Variants in MAPKBP1 observed in about 807,000 individuals in gnomAD.
MAPKBP1 encodes the protein mitogen-activated protein kinase-binding protein 1.
A neutral mutation model predicts 170.5 loss-of-function variants in MAPKBP1; 71 were observed. The observed-to-expected ratio is 0.42, with a 90% CI of 0.34 to 0.51. The LOEUF (loss-of-function observed/expected upper bound fraction) is 0.51, where lower values mean the gene tolerates loss of function less well. MAPKBP1 is among the 20% of genes least tolerant of loss of function. MAPKBP1 has a pLI of 0.06. For synonymous variants in MAPKBP1, 719 were observed against 757.9 expected (o/e 0.95, Z 0.84); for missense variants, 1,598 against 1,933.0 (o/e 0.83, Z 3.25).
chr15:41,779,357 C>A (rs946874951), intron 2 of MAPKBP1, among the ~76,000 whole-genome samples: 1 of 151,954 alleles, frequency 6.6e-6, no homozygotes, highest in Non-Finnish European at 1.5e-5. Context: ...ATTACAGGCG[C>A]GTGCCACCAC....
At position 41,817,301 on chromosome 15, in the gene MAPKBP1, TG is replaced by T; in HGVS notation, c.1712-82del. On this transcript the variant is annotated intron_variant, in intron 14 of 30. Transcript: ENST00000457542. This position sits in a 1 kb window ranked among gnomAD's most constrained non-coding sequence, Gnocchi z 4.2. Reference sequence around the variant, plus strand: ...TTCCCTGGCATGTAGAGTAGCTTGATGGGGGATCTCATGGAGGGAAGGTGGG... The same window carrying T: ...TTCCCTGGCATGTAGAGTAGCTTGATGGGGATCTCATGGAGGGAAGGTGGG... 1 of 1,394,970 alleles carries T rather than the reference TG, an allele frequency of 7.2e-7. No homozygotes were observed. Among genetic ancestry groups the T allele is most frequent in the Non-Finnish European group, 1.0e-6 (1 of 981,834 alleles). The allele number at this position is 1,394,970 out of a possible 1,614,324, so 86.4% of individuals were successfully genotyped here.
In MAPKBP1 at chr15:41,827,837, A is replaced by G. The variant is rs2065144634; in HGVS notation, c.*2401A>G. 2.5e-6 allele frequency: 1 copy of G among 404,330 alleles called. No homozygotes were observed. Among genetic ancestry groups the G allele is most frequent in the African/African-American group, 2.1e-5 (1 of 47,740 alleles). 25.0% of individuals were successfully genotyped at this position (404,330 alleles called of 1,614,324 possible). On this transcript the variant is annotated 3_prime_UTR_variant, in exon 31 of 31. Coordinates refer to ENST00000457542, the MANE Select transcript of MAPKBP1 (RefSeq NM_014994.3). ...TGTACTGATGTATGAACTTGTCAAT[A>G]AACACAATTGTTTGTTAACCCTGGG...
intron 12 of MAPKBP1, among the ~76,000 whole-genome samples, chr15:41,816,076 TC>T (rs2064885496): frequency 6.6e-6 from 1 of 152,156 alleles, no homozygotes; most frequent in Non-Finnish European, 1.5e-5. Context: ...ATGCATAAAC[TC>T]AATATAGGCG....
At position 41,825,299 on chromosome 15, in the gene MAPKBP1, G is replaced by A; in HGVS notation, c.4390G>A (p.Ala1464Thr). The A allele has an allele frequency of 6.2e-7, 1 of 1,613,312 alleles. No individual in the cohort carries two copies. The highest frequency in any genetic ancestry group is 1.3e-5 in the African/African-American group (1 of 75,072). Residue 1464 changes from alanine (A) to threonine (T), a missense_variant, in exon 31 of 31, where the codon GCT (alanine) becomes ACT (threonine). Coordinates refer to ENST00000457542, the MANE Select transcript of MAPKBP1 (RefSeq NM_014994.3). ...CTCTTCAGTGCGACAGGAGCTGGAA[G>A]CTGTGGCTGGGGCAGTGCTGTCCAG... ...TFSSVRQELEAVAGAVLSSPG... is the reference protein window; with the variant it reads ...TFSSVRQELETVAGAVLSSPG...
intron 2 of MAPKBP1, among the ~76,000 whole-genome samples, chr15:41,795,860 C>T (rs1235824194): frequency 3.3e-5 from 5 of 152,180 alleles, no homozygotes; most frequent in Admixed American, 6.5e-5. Context: ...CCGCCCGTCT[C>T]GGCCTCCCAA....
chr15:41,823,548 C>T lies in MAPKBP1; in HGVS notation c.3700C>T (p.Arg1234Cys), dbSNP rs756000967. 6.8e-6 allele frequency: 11 copies of T among 1,614,030 alleles called. No individual in the cohort carries two copies. The East Asian group carries it at 1.1e-4, about 16-fold the overall frequency. ...GLGSLPPADG[R>C]PSRPHSYQNP... ...GGGCTCCCTGCCCCCAGCTGATGGC[C>T]GTCCGTCTCGGCCTCACTCCTATCA... The change falls in exon 29 of 31, where the codon CGT becomes TGT. Residue 1234 changes from arginine (R) to cysteine (C), a missense_variant. Transcript: ENST00000457542.
At position 41,819,231 on chromosome 15, in the gene MAPKBP1, T is replaced by G; in HGVS notation, c.2292-15T>G. 1 of 1,612,572 alleles carries G rather than the reference T, an allele frequency of 6.2e-7. No individual in the cohort carries two copies. Among genetic ancestry groups the G allele is most frequent in the Non-Finnish European group, 8.5e-7 (1 of 1,178,788 alleles). ...GAGTCTCCTCTCCCCATGCCCTTCCTTGTCTCGGACTCAGGCACCAGGCCC... is the reference window on the plus strand; with the variant it reads ...GAGTCTCCTCTCCCCATGCCCTTCCGTGTCTCGGACTCAGGCACCAGGCCC... On this transcript the variant is annotated splice_polypyrimidine_tract_variant and intron_variant, in intron 20 of 30. Coordinates refer to ENST00000457542, the MANE Select transcript of MAPKBP1 (RefSeq NM_014994.3).
chr15:41,824,412 T>C, intron 29 of MAPKBP1, 72 bp from the exon 30 acceptor site: 1 of 1,391,872 alleles, frequency 7.2e-7, no homozygotes, highest in Non-Finnish European at 9.9e-7. Flanking sequence ...TCTCCTGTTC[T>C]GAGTGTCTTG....
chr15:41,824,209 C>A (rs923181039), intron 29 of MAPKBP1, 148 bp downstream of exon 29: 1 of 1,130,148 alleles, frequency 8.8e-7, no homozygotes, highest in African/African-American at 1.6e-5. Context: ...GTAAGTCACA[C>A]CCCTGATGGT....
At chr15:41,803,328 C>G (rs1308902567) in intron 3 of MAPKBP1, among the ~76,000 whole-genome samples, 1 of 148,226 alleles carries the variant, frequency 6.7e-6, no homozygotes, top group East Asian at 2.1e-4. Context: ...CTGGGAGAAT[C>G]GCTTGAACCT....
intron 2 of MAPKBP1, among the ~76,000 whole-genome samples, chr15:41,788,573 C>G (rs752500769): frequency 2.0e-5 from 3 of 151,960 alleles, no homozygotes; most frequent in Non-Finnish European, 4.4e-5. Context: ...AGCTGGTCCT[C>G]GAAGGAAAGG....
Position 41,824,490 on chromosome 15 carries a change from C to A in MAPKBP1, c.4220C>A (p.Ala1407Glu), listed in dbSNP as rs768905942. The change falls in exon 30 of 31, where the codon GCG (alanine) becomes GAG (glutamate). Residue 1407 changes from alanine (A) to glutamate (E), a missense_variant. By Grantham distance (107) the Ala-to-Glu change is moderately radical. Around this residue, in one of 6 missense-constraint regions of MAPKBP1, gnomAD observed 942 missense variants for 953.2 expected, o/e 0.99. Coordinates refer to ENST00000457542, the MANE Select transcript of MAPKBP1 (RefSeq NM_014994.3). ...GAALSQDSEPAVSLEQCEQLV... is the reference protein window; with the variant it reads ...GAALSQDSEPEVSLEQCEQLV... ...CTGTATCCGTCTCTTTCAGAGCCAG[C>A]GGTGAGCCTGGAGCAGTGTGAGCAG... 1 of 1,595,066 alleles carries A rather than the reference C, an allele frequency of 6.3e-7. No homozygotes were observed. Among genetic ancestry groups the A allele is most frequent in the South Asian group, 1.1e-5 (1 of 87,880 alleles).
At chr15:41,805,545 G>C (rs1307862689) in intron 3 of MAPKBP1, among the ~76,000 whole-genome samples, 1 of 152,212 alleles carries the variant, frequency 6.6e-6, no homozygotes, top group African/African-American at 2.4e-5. Context: ...AAGGTGACGG[G>C]GTGTATCTGG....
chr15:41,823,458 G>A lies in MAPKBP1; in HGVS notation c.3610G>A (p.Ala1204Thr). 1 of 1,611,510 alleles carries A rather than the reference G, an allele frequency of 6.2e-7. No homozygotes were observed. Among genetic ancestry groups the A allele is most frequent in the South Asian group, 1.1e-5 (1 of 90,944 alleles). ...HSLVPQERHE[A>T]SLQAPSPGAL... Reference sequence around the variant, plus strand: ...TGTCTCCTTTGCAGAAAGACATGAGGCCAGTCTGCAGGCCCCTTCACCAGG... The same window carrying A: ...TGTCTCCTTTGCAGAAAGACATGAGACCAGTCTGCAGGCCCCTTCACCAGG... The change falls in exon 29 of 31, where the codon GCC (alanine) becomes ACC (threonine). Residue 1204 changes from alanine to threonine, a missense_variant. Physicochemically the swap from Ala to Thr is moderately conservative, Grantham distance 58 (BLOSUM62 0). Transcript: ENST00000457542.
chr15:41,810,946 G>A lies in MAPKBP1; in HGVS notation c.269+1G>A. 1 of 1,614,188 alleles carries A rather than the reference G, an allele frequency of 6.2e-7. No individual in the cohort carries two copies. The highest frequency in any genetic ancestry group is 1.1e-5 in the South Asian group (1 of 91,082). Reference sequence around the variant, plus strand: ...AGCACCACATCCTCAACAGTTCCAGGTAAATGGGCTGGGGTCCTCAGGATA... The same window carrying A: ...AGCACCACATCCTCAACAGTTCCAGATAAATGGGCTGGGGTCCTCAGGATA... On this transcript the variant is annotated splice_donor_variant, in intron 4 of 30. Coordinates refer to ENST00000457542, the MANE Select transcript of MAPKBP1 (RefSeq NM_014994.3). LOFTEE classifies it high-confidence loss of function.
chr15:41,782,838 C>T (rs2152068033), intron 2 of MAPKBP1, among the ~76,000 whole-genome samples: 1 of 152,290 alleles, frequency 6.6e-6, no homozygotes, highest in Admixed American at 6.5e-5. Flanking sequence ...ACTTTGTCCC[C>T]AACATTCCTT....
At chr15:41,814,840 C>A in intron 10 of MAPKBP1, 101 bp downstream of exon 10, 1 of 1,398,964 alleles carries the variant, frequency 7.1e-7, no homozygotes, top group Non-Finnish European at 9.9e-7. Flanking sequence ...TAGATTCCTG[C>A]TGCCTCCCTG....
rs1360515139 is a variant in MAPKBP1 at position 41,818,776 on chromosome 15, C to G, written c.2157-47C>G. 2 of 1,609,392 alleles carry G rather than the reference C, an allele frequency of 1.2e-6. No homozygotes were observed. The highest frequency in any genetic ancestry group is 1.1e-5 in the South Asian group (1 of 90,916). On this transcript the variant is annotated intron_variant, in intron 19 of 30. Coordinates refer to ENST00000457542, the MANE Select transcript of MAPKBP1 (RefSeq NM_014994.3). The surrounding 1 kb of genome is among the most constrained non-coding windows in gnomAD (Gnocchi z 5.2). ...GGATAAGGGGAACGAATGGCGCTAGCCATTCTACCTGCCCCTCCTTCAGCC... is the reference window on the plus strand; with the variant it reads ...GGATAAGGGGAACGAATGGCGCTAGGCATTCTACCTGCCCCTCCTTCAGCC...
At chr15:41,785,101 G>T (rs1046449736) in intron 2 of MAPKBP1, among the ~76,000 whole-genome samples, 1 of 152,070 alleles carries the variant, frequency 6.6e-6, no homozygotes, top group Non-Finnish European at 1.5e-5. Context: ...AGCTATAAGG[G>T]GTTGCTAATA....
Sources: gnomAD v4.1 joint callset for allele counts (sites outside exome capture counted in the v4.1 genomes callset) on GRCh38, gnomAD v4.1.1 for gene constraint, gnomAD v4.1.1 regional missense constraint, Gnocchi (gnomAD v3.1) non-coding constraint, MANE v1.5 for transcripts, NCBI Gene and HGNC (gene_info 2026-07-23, HGNC 2026-07-21) for gene names.